Variants in KCNAB1 observed in about 807,000 individuals in gnomAD.
The protein encoded by KCNAB1 is voltage-gated potassium channel subunit beta-1.
Under a neutral mutation model 64.6 loss-of-function variants are expected in KCNAB1, and 35 were observed. That is an observed-to-expected ratio of 0.54 (90% confidence interval 0.41 to 0.72). The LOEUF (loss-of-function observed/expected upper bound fraction) is 0.72, where lower values mean the gene tolerates loss of function less well. Among genes scored for constraint, KCNAB1 ranks in the 30% least tolerant of loss-of-function variants. The pLI, the probability that KCNAB1 is intolerant of heterozygous loss-of-function variation, is 0.00. For synonymous variants in KCNAB1, 177 were observed against 183.8 expected, an observed-to-expected ratio of 0.96 and a Z score of 0.30; for missense variants, 401 against 512.9, an observed-to-expected ratio of 0.78 and a Z score of 2.11.
chr3:156,480,366 C>T (rs1014786183), intron 8 of KCNAB1, among the ~76,000 whole-genome samples: 7 of 151,254 alleles, frequency 4.6e-5, no homozygotes, highest in Admixed American at 1.3e-4. Flanking sequence ...CAACACATAT[C>T]GGGGCCCGTT....
At chr3:156,270,831 CA>C (rs888391286) in intron 1 of KCNAB1, among the ~76,000 whole-genome samples, 343 of 148,076 alleles carry the variant, frequency 2.3e-3, no homozygotes, top group Non-Finnish European at 3.7e-3. Flanking sequence ...TTCATTCAGA[CA>C]AAAAAAAAAT....
chr3:156,191,552 A>G (rs1398158850), intron 1 of KCNAB1, among the ~76,000 whole-genome samples: 1 of 152,198 alleles, frequency 6.6e-6, no homozygotes, highest in African/African-American at 2.4e-5. Context: ...GACACACAAT[A>G]CAATTCTTGT....
At chr3:156,177,021 C>T (rs1034911214) in intron 1 of KCNAB1, 2 of 566,002 alleles carry the variant, frequency 3.5e-6, no homozygotes, top group East Asian at 5.6e-5. Context: ...CCCTGTAGTG[C>T]CTCTGTCCCT....
intron 1 of KCNAB1, among the ~76,000 whole-genome samples, chr3:156,210,839 A>T (rs2108393919): frequency 6.6e-6 from 1 of 152,268 alleles, no homozygotes; most frequent in Non-Finnish European, 1.5e-5. Context: ...TTCTGGAAAA[A>T]TCCCTTCCAC....
chr3:156,396,097 C>T (rs1713445306), intron 1 of KCNAB1, among the ~76,000 whole-genome samples: 1 of 152,080 alleles, frequency 6.6e-6, no homozygotes, highest in South Asian at 2.1e-4. Context: ...CTGTGTAAAC[C>T]TTGTTTTAGC....
At chr3:156,143,369 A>G (rs754987581) in intron 1 of KCNAB1, 3 of 1,608,836 alleles carry the variant, frequency 1.9e-6, no homozygotes, top group Non-Finnish European at 2.5e-6. Flanking sequence ...CTACGTGTTC[A>G]TGGAATTTCG....
chr3:156,247,940 C>A (rs1717565997), intron 1 of KCNAB1, among the ~76,000 whole-genome samples: 1 of 152,050 alleles, frequency 6.6e-6, no homozygotes, highest in Non-Finnish European at 1.5e-5. Flanking sequence ...TCCTTGAGGG[C>A]AGGAATCAAC....
intron 1 of KCNAB1, among the ~76,000 whole-genome samples, chr3:156,257,448 G>C (rs1476792179): frequency 6.6e-6 from 1 of 152,152 alleles, no homozygotes; most frequent in Non-Finnish European, 1.5e-5. Context: ...CTGAAAATGG[G>C]AAAGAACCTT....
intron 12 of KCNAB1, among the ~76,000 whole-genome samples, chr3:156,527,851 C>T (rs1015902691): frequency 6.6e-6 from 1 of 152,206 alleles, no homozygotes; most frequent in Admixed American, 6.5e-5. Flanking sequence ...CAACTGTGTG[C>T]CTGCTCCCCA....
At chr3:156,140,446 T>A (rs1371184620) in intron 1 of KCNAB1, among the ~76,000 whole-genome samples, 1 of 152,182 alleles carries the variant, frequency 6.6e-6, no homozygotes, top group Non-Finnish European at 1.5e-5. Flanking sequence ...GAAGGGCCGC[T>A]GCTCTCTCCT....
chr3:156,358,071 G>A lies in KCNAB1; in HGVS notation c.276-63545G>A, dbSNP rs371791796. On this transcript the variant is annotated intron_variant, in intron 1 of 13. Coordinates refer to ENST00000490337, the MANE Select transcript of KCNAB1 (RefSeq NM_172160.3). ...AATTCAGTTTCTTAATTATGCTAAC[G>A]AATTATTGTTGTTTTGAGTAAACAA... Among the ~76,000 whole-genome samples, 5 of 151,944 alleles carry A rather than the reference G, an allele frequency of 3.3e-5. No individual in the cohort carries two copies. The East Asian group carries it at 5.8e-4, about 18-fold the overall frequency.
rs527472875 is a variant in KCNAB1, at chr3:156,429,650, A to G, written c.319+7991A>G. Among the ~76,000 whole-genome samples the G allele has an allele frequency of 2.0e-5, 3 of 152,338 alleles. No homozygotes were observed. The South Asian group carries it at 6.2e-4, about 32-fold the overall frequency. On this transcript the variant is annotated intron_variant, in intron 2 of 13. Coordinates refer to ENST00000490337, the MANE Select transcript of KCNAB1 (RefSeq NM_172160.3). ...GAGAACACGACATTAAATATTTAAC[A>G]TGGATGGTATTATTTTTATGACACC...
At chr3:156,418,687 C>T (rs958070595) in intron 1 of KCNAB1, among the ~76,000 whole-genome samples, 11 of 152,174 alleles carry the variant, frequency 7.2e-5, no homozygotes, top group African/African-American at 9.7e-5. Flanking sequence ...AAGTGGTACA[C>T]GTCTCACAAA....
chr3:156,272,521 C>T (rs1217321379), intron 1 of KCNAB1, among the ~76,000 whole-genome samples: 8 of 152,114 alleles, frequency 5.3e-5, no homozygotes, highest in Admixed American at 3.3e-4. Context: ...TCCCGGGCTA[C>T]CACCAGTGTT....
intron 1 of KCNAB1, among the ~76,000 whole-genome samples, chr3:156,154,446 G>T (rs543003714): frequency 1.3e-5 from 2 of 152,036 alleles, no homozygotes. Flanking sequence ...GTCATCCTCC[G>T]AACTATGGGG....
intron 1 of KCNAB1, among the ~76,000 whole-genome samples, chr3:156,201,722 C>G (rs555384079): frequency 1.3e-5 from 2 of 152,304 alleles, no homozygotes; most frequent in Admixed American, 6.5e-5. Context: ...TACACTCATG[C>G]TGGTGGAGAA....
intron 1 of KCNAB1, among the ~76,000 whole-genome samples, chr3:156,374,922 G>T (rs546092967): frequency 7.4e-6 from 1 of 135,940 alleles, no homozygotes; most frequent in Admixed American, 6.9e-5. Flanking sequence ...TCTCATTATA[G>T]AAAACACAAA....
intron 1 of KCNAB1, among the ~76,000 whole-genome samples, chr3:156,212,719 A>G (rs1715087393): frequency 6.6e-6 from 1 of 152,148 alleles, no homozygotes; most frequent in African/African-American, 2.4e-5. Flanking sequence ...CACAGAGGGG[A>G]GGCGAGCACT....
chr3:156,174,038 C>T (rs1414005404), intron 1 of KCNAB1, among the ~76,000 whole-genome samples: 1 of 152,174 alleles, frequency 6.6e-6, no homozygotes, highest in Non-Finnish European at 1.5e-5. Flanking sequence ...ACCAACTTTC[C>T]TGAGTCTCCA....
Sources: allele counts gnomAD v4.1 joint callset (sites outside exome capture counted in the v4.1 genomes callset), GRCh38; gene constraint gnomAD v4.1.1; transcripts MANE v1.5; gene names NCBI Gene and HGNC (gene_info 2026-07-23, HGNC 2026-07-21).